The following LRRC1 variants were observed in gnomAD, a reference collection of about 807,000 sequenced individuals.
LRRC1 encodes the protein leucine-rich repeat-containing protein 1.
Under a neutral mutation model 69.9 loss-of-function variants are expected in LRRC1, and 28 were observed. The ratio of observed to expected loss-of-function variants is 0.40; its 90% CI spans 0.30 to 0.55. The LOEUF (loss-of-function observed/expected upper bound fraction) is 0.55, where lower values mean the gene tolerates loss of function less well. LRRC1 is among the 20% of genes least tolerant of loss of function. The pLI is 0.47. For synonymous variants in LRRC1, 236 were observed against 240.2 expected (o/e 0.98, Z 0.16); for missense variants, 498 against 609.0 (o/e 0.82, Z 1.92).
intron 1 of LRRC1, among the ~76,000 whole-genome samples, chr6:53,818,077 C>T (rs1054824310): frequency 1.3e-4 from 20 of 152,322 alleles, no homozygotes; most frequent in African/African-American, 4.3e-4. Context: ...GTTTTCTTTA[C>T]ATCCCTTTTC....
intron 1 of LRRC1, among the ~76,000 whole-genome samples, chr6:53,828,591 A>G (rs1765339109): frequency 6.6e-6 from 1 of 152,206 alleles, no homozygotes; most frequent in Non-Finnish European, 1.5e-5. Flanking sequence ...CCTTTCATGT[A>G]TGTTTTAGCT....
chr6:53,883,124 C>A, intron 4 of LRRC1, 148 bp downstream of exon 4: 1 of 583,728 alleles, frequency 1.7e-6, no homozygotes, highest in Admixed American at 3.9e-5. Context: ...AAGATTATAG[C>A]CAGCCTCCTA....
chr6:53,883,242 T>C (rs1767360195), intron 4 of LRRC1, among the ~76,000 whole-genome samples: 1 of 152,236 alleles, frequency 6.6e-6, no homozygotes, highest in African/African-American at 2.4e-5. Flanking sequence ...AACTGATGTA[T>C]GGCAAAGTAG....
chr6:53,827,645 T>A (rs1765311613), intron 1 of LRRC1, among the ~76,000 whole-genome samples: 1 of 151,936 alleles, frequency 6.6e-6, no homozygotes, highest in African/African-American at 2.4e-5. Flanking sequence ...GAACATGGGG[T>A]GCATGGGCCT....
intron 1 of LRRC1, among the ~76,000 whole-genome samples, chr6:53,821,176 A>G (rs1244452610): frequency 2.0e-5 from 3 of 152,182 alleles, no homozygotes; most frequent in Non-Finnish European, 4.4e-5. Context: ...ATTTGCGCTA[A>G]TGCTGTACAT....
chr6:53,907,144 T>G (rs956376736), intron 10 of LRRC1, among the ~76,000 whole-genome samples: 2 of 152,244 alleles, frequency 1.3e-5, no homozygotes, highest in African/African-American at 4.8e-5. Flanking sequence ...TAGCTCTGCC[T>G]CCAAGCTTGA....
At chr6:53,869,247 A>G (rs1766804304) in intron 2 of LRRC1, among the ~76,000 whole-genome samples, 2 of 152,160 alleles carry the variant, frequency 1.3e-5, no homozygotes, top group Admixed American at 6.5e-5. Context: ...CAGGAAAAAT[A>G]ATTAGAGAAT....
chr6:53,868,537 A>G (rs1766782398), intron 2 of LRRC1, among the ~76,000 whole-genome samples: 2 of 151,652 alleles, frequency 1.3e-5, no homozygotes, highest in Admixed American at 1.3e-4. Flanking sequence ...ATATGATGCT[A>G]CTCTTCAAAT....
intron 1 of LRRC1, among the ~76,000 whole-genome samples, chr6:53,834,055 A>G (rs1313124470): frequency 6.6e-6 from 1 of 152,086 alleles, no homozygotes; most frequent in African/African-American, 2.4e-5. Flanking sequence ...TACCTCCCCT[A>G]TTGCCTTCAG....
At chr6:53,827,306 T>TCC (rs1240267989) in intron 1 of LRRC1, among the ~76,000 whole-genome samples, 3 of 85,236 alleles carry the variant, frequency 3.5e-5, no homozygotes, top group Middle Eastern at 7.9e-3. Flanking sequence ...AATAAACACT[T>TCC]CCACAAAAAA....
Position 53,795,360 on chromosome 6 carries a change from C to T in LRRC1, c.104C>T (p.Ala35Val), listed in dbSNP as rs1764261293. 6.2e-7 allele frequency: 1 copy of T among 1,613,628 alleles called. No individual in the cohort carries two copies. Among genetic ancestry groups the T allele is most frequent in the South Asian group, 1.1e-5 (1 of 91,080 alleles). Residue 35 changes from alanine (A) to valine (V), a missense_variant, in exon 1 of 14, where the codon GCC becomes GTC. Ala to Val is a moderately conservative substitution (Grantham distance 64). Coordinates refer to ENST00000370888, the MANE Select transcript of LRRC1 (RefSeq NM_018214.5). The stretch of plus-strand genomic sequence containing the variant: ...GTCCCCGAGGAGATCTACCGCTATG[C>T]CCGGAGCCTGGAGGAGCTGCTGCTG... ...VYVPEEIYRY[A>V]RSLEELLLDA...
intron 11 of LRRC1, among the ~76,000 whole-genome samples, chr6:53,918,305 T>C (rs557327918): frequency 6.6e-6 from 1 of 152,346 alleles, no homozygotes; most frequent in African/African-American, 2.4e-5. Flanking sequence ...ATGCATGAGA[T>C]GGACTCAGGC....
At chr6:53,898,348 G>A (rs1182597107) in intron 7 of LRRC1, among the ~76,000 whole-genome samples, 1 of 152,168 alleles carries the variant, frequency 6.6e-6, no homozygotes, top group East Asian at 1.9e-4. Context: ...GGGAAATCCT[G>A]GTTGAAAGGA....
At chr6:53,807,774 ACAACAACAC>A (rs1242881965) in intron 1 of LRRC1, among the ~76,000 whole-genome samples, 4 of 151,896 alleles carry the variant, frequency 2.6e-5, no homozygotes, top group African/African-American at 4.8e-5. Context: ...AACAACAACA[ACAACAACAC>A]CCCCCAAAAC....
chr6:53,824,266 T>C lies in LRRC1; in HGVS notation c.160-17844T>C, dbSNP rs547123739. 2.0e-5 allele frequency among the ~76,000 whole-genome samples: 3 copies of C among 152,304 alleles called. No homozygotes were observed. In the South Asian group the frequency reaches 6.2e-4, roughly 32 times the overall value. ...TCAGTGATGCTGAGCTTTTTTTTCA[T>C]ATGCTTGTTGGCTGCATTTATGTCT... is the stretch of plus-strand genomic sequence containing the variant. On this transcript the variant is annotated intron_variant, in intron 1 of 13. Transcript: ENST00000370888.
chr6:53,852,734 C>T (rs1470270347), intron 2 of LRRC1, among the ~76,000 whole-genome samples: 1 of 151,968 alleles, frequency 6.6e-6, no homozygotes, highest in African/African-American at 2.4e-5. Context: ...GACTAGTTAC[C>T]CTCTGAATTT....
chr6:53,892,817 G>A (rs1767747279), intron 4 of LRRC1, among the ~76,000 whole-genome samples: 1 of 152,244 alleles, frequency 6.6e-6, no homozygotes, highest in African/African-American at 2.4e-5. Flanking sequence ...TCCAAGGCAA[G>A]CTACTGATGT....
At chr6:53,881,463 TC>T (rs1440576051) in intron 3 of LRRC1, among the ~76,000 whole-genome samples, 6 of 152,220 alleles carry the variant, frequency 3.9e-5, no homozygotes, top group Non-Finnish European at 7.3e-5. Flanking sequence ...ATATATGCTT[TC>T]TGGTTAAAAA....
intron 4 of LRRC1, among the ~76,000 whole-genome samples, chr6:53,887,244 CTA>C (rs1767517003): frequency 1.3e-5 from 2 of 152,084 alleles, no homozygotes; most frequent in African/African-American, 2.4e-5. Flanking sequence ...TAATTATTGT[CTA>C]TTAATACTGC....
Sources: gnomAD v4.1 joint callset for allele counts (sites outside exome capture counted in the v4.1 genomes callset) on GRCh38, gnomAD v4.1.1 for gene constraint, MANE v1.5 for transcripts, NCBI Gene and HGNC (gene_info 2026-07-23, HGNC 2026-07-21) for gene names.